PDZRN4: variants seen among roughly 807,000 people sequenced by gnomAD.
PDZRN4 encodes the protein PDZ domain-containing RING finger protein 4.
PDZRN4 carries 70 observed loss-of-function variants against 99.0 expected under a neutral mutation model. The observed-to-expected ratio is 0.71, with a 90% CI of 0.58 to 0.86. PDZRN4 has a LOEUF of 0.86. Among genes scored for constraint, PDZRN4 ranks in the 40% least tolerant of loss-of-function variants. The pLI is 0.00. For missense variants in PDZRN4, 1,474 were observed against 1,331.2 expected (o/e 1.11, Z -1.67); for synonymous variants, 551 against 501.6 (o/e 1.10, Z -1.32).
chr12:41,370,847 CTGTT>C (rs1952036429), intron 3 of PDZRN4, among the ~76,000 whole-genome samples: 1 of 151,754 alleles, frequency 6.6e-6, no homozygotes, highest in African/African-American at 2.4e-5. Context: ...ATTTCATTGA[CTGTT>C]TATTTTTATT....
At position 41,430,042 on chromosome 12, in the gene PDZRN4, G is replaced by A. The variant is rs568879713; in HGVS notation, c.844-76414G>A. ...ATAAAGCCAACTTTATACGGGGCTA[G>A]ATTAGTAGTCGTGACTAGACCAAAA... is the stretch of plus-strand genomic sequence containing the variant. On this transcript the variant is annotated intron_variant, in intron 3 of 9. Coordinates refer to ENST00000402685, the MANE Select transcript of PDZRN4 (RefSeq NM_001164595.2). Among the ~76,000 whole-genome samples, 13 of 152,300 alleles carry A rather than the reference G, an allele frequency of 8.5e-5. No individual in the cohort carries two copies. The South Asian group carries it at 2.7e-3, about 32-fold the overall frequency.
chr12:41,556,103 G>T (rs889962683), intron 7 of PDZRN4, among the ~76,000 whole-genome samples: 16 of 152,120 alleles, frequency 1.1e-4, no homozygotes, highest in Admixed American at 2.0e-4. Flanking sequence ...TTGTTGTTGT[G>T]AATGTGAAAT....
Position 41,573,205 on chromosome 12 carries a change from A to G in PDZRN4, c.2426A>G (p.Lys809Arg), listed in dbSNP as rs1288477537. 1 of 1,614,140 alleles carries G rather than the reference A, an allele frequency of 6.2e-7. No homozygotes were observed. The highest frequency in any genetic ancestry group is 8.5e-7 in the Non-Finnish European group (1 of 1,180,006). The stretch of plus-strand genomic sequence containing the variant: ...GGTTGTAGCGCTGAAAGCAAGGAGA[A>G]GGTTTTAGAAGGCAGCAAGCTTCCT... ...EQGCSAESKE[K>R]VLEGSKLPDQ... The change falls in exon 10 of 10, where the codon AAG becomes AGG. Residue 809 changes from lysine (K) to arginine (R), a missense_variant. Lys to Arg is a conservative substitution (Grantham distance 26). Transcript: ENST00000402685.
chr12:41,202,096 A>T (rs1169716786), intron 3 of PDZRN4, among the ~76,000 whole-genome samples: 1 of 152,170 alleles, frequency 6.6e-6, no homozygotes, highest in Non-Finnish European at 1.5e-5. Flanking sequence ...GGAACTAAAA[A>T]GATGGAAGAT....
At chr12:41,386,921 T>C (rs138404785) in intron 3 of PDZRN4, among the ~76,000 whole-genome samples, 4,997 of 152,286 alleles carry the variant, frequency 0.033, 117 homozygotes, top group African/African-American at 0.071. Context: ...TGGTTAGCCA[T>C]ATGCAGAAGA....
Position 41,506,725 on chromosome 12 carries a change from C to T in PDZRN4, c.1100+13C>T. 12 of 1,591,900 alleles carry T rather than the reference C, an allele frequency of 7.5e-6. No homozygotes were observed. Among genetic ancestry groups the T allele is most frequent in the Non-Finnish European group, 1.0e-5 (12 of 1,167,894 alleles). ...TGCTCTCAGACAGGTATTTTTCTAT[C>T]ATTTCTTCCAAAGCCCTGTTTGTTT... On this transcript the variant is annotated intron_variant, in intron 4 of 9. Coordinates refer to ENST00000402685, the MANE Select transcript of PDZRN4 (RefSeq NM_001164595.2).
intron 5 of PDZRN4, among the ~76,000 whole-genome samples, chr12:41,525,351 T>C (rs892036192): frequency 6.6e-6 from 1 of 152,202 alleles, no homozygotes; most frequent in African/African-American, 2.4e-5. Context: ...CAAGCTTCAC[T>C]GCTTAGTACT....
chr12:41,501,222 T>C (rs1938103773), intron 3 of PDZRN4, among the ~76,000 whole-genome samples: 1 of 152,160 alleles, frequency 6.6e-6, no homozygotes, highest in Non-Finnish European at 1.5e-5. Context: ...CATGGAGATT[T>C]GGAAACCCTC....
chr12:41,360,404 T>C (rs1384317265), intron 3 of PDZRN4, among the ~76,000 whole-genome samples: 1 of 152,048 alleles, frequency 6.6e-6, no homozygotes, highest in Non-Finnish European at 1.5e-5. Flanking sequence ...TCTCCATCTC[T>C]CATGGTGCTT....
chr12:41,573,936 A>C lies in PDZRN4; in HGVS notation c.*46A>C, dbSNP rs981821824. ...CGACTGATTTTAGGAGGATGCTACC[A>C]GTTTCGGTAGAGTATGATTGCCTCG... On this transcript the variant is annotated 3_prime_UTR_variant, in exon 10 of 10. Transcript: ENST00000402685. 1.5e-6 allele frequency: 2 copies of C among 1,339,672 alleles called. No individual in the cohort carries two copies. The highest frequency in any genetic ancestry group is 2.0e-6 in the Non-Finnish European group (2 of 983,192). 83.0% of individuals were successfully genotyped at this position (1,339,672 alleles called of 1,614,324 possible).
At chr12:41,204,730 G>T (rs112720715) in intron 3 of PDZRN4, among the ~76,000 whole-genome samples, 1 of 151,962 alleles carries the variant, frequency 6.6e-6, no homozygotes, top group Admixed American at 6.6e-5. Context: ...CTCCCTTGAC[G>T]TGGGGATTAT....
intron 3 of PDZRN4, among the ~76,000 whole-genome samples, chr12:41,238,934 C>T (rs978403831): frequency 6.6e-6 from 1 of 152,138 alleles, no homozygotes; most frequent in African/African-American, 2.4e-5. Flanking sequence ...GGCAGAAATA[C>T]CATTTGACCC....
At chr12:41,432,174 C>T (rs866615285) in intron 3 of PDZRN4, among the ~76,000 whole-genome samples, 13 of 152,128 alleles carry the variant, frequency 8.5e-5, no homozygotes, top group Admixed American at 1.3e-4. Context: ...TGAATTTAAA[C>T]GTACAGATAG....
intron 3 of PDZRN4, among the ~76,000 whole-genome samples, chr12:41,204,099 G>C (rs923746017): frequency 8.6e-5 from 13 of 151,928 alleles, no homozygotes; most frequent in Non-Finnish European, 8.8e-5. Context: ...ATTTTCCCTT[G>C]TCTTCACTTT....
At chr12:41,376,013 A>T (rs1952076528) in intron 3 of PDZRN4, among the ~76,000 whole-genome samples, 1 of 152,118 alleles carries the variant, frequency 6.6e-6, no homozygotes, top group Admixed American at 6.6e-5. Context: ...TCTCTGTGTG[A>T]CTTATTTTAC....
chr12:41,204,576 C>A (rs1950835977), intron 3 of PDZRN4, among the ~76,000 whole-genome samples: 1 of 151,974 alleles, frequency 6.6e-6, no homozygotes, highest in South Asian at 2.1e-4. Flanking sequence ...AAGGTACCTT[C>A]TTCACAAGGC....
At position 41,555,771 on chromosome 12, in the gene PDZRN4, T is replaced by G. The variant is rs373497103; in HGVS notation, c.1365+11T>G. ...GATCGGATTTTGCAAGTAGGTGGTATAGTAATTTCCTTTAGTTCCCCACGA... is the reference window on the plus strand; with the variant it reads ...GATCGGATTTTGCAAGTAGGTGGTAGAGTAATTTCCTTTAGTTCCCCACGA... On this transcript the variant is annotated intron_variant, in intron 7 of 9. Transcript: ENST00000402685. The G allele has an allele frequency of 2.5e-6, 4 of 1,608,742 alleles. No individual in the cohort carries two copies. In the South Asian group the frequency reaches 3.3e-5, roughly 13 times the overall value.
chr12:41,474,112 G>A (rs1337283375), intron 3 of PDZRN4, among the ~76,000 whole-genome samples: 1 of 152,140 alleles, frequency 6.6e-6, no homozygotes, highest in African/African-American at 2.4e-5. Flanking sequence ...AATGCAGTGG[G>A]GGATAAATGA....
chr12:41,443,633 C>A (rs1243825502), intron 3 of PDZRN4, among the ~76,000 whole-genome samples: 2 of 151,994 alleles, frequency 1.3e-5, no homozygotes, highest in Non-Finnish European at 2.9e-5. Flanking sequence ...GCGAAACCAA[C>A]CAGGAGGCTG....
Sources: allele counts gnomAD v4.1 joint callset (sites outside exome capture counted in the v4.1 genomes callset), GRCh38; gene constraint gnomAD v4.1.1; transcripts MANE v1.5; gene names NCBI Gene and HGNC (gene_info 2026-07-23, HGNC 2026-07-21).